PCDHGB1: variants seen among roughly 807,000 people sequenced by gnomAD.
PCDHGB1 encodes the protein protocadherin gamma subfamily B, 1, also known as protocadherin gamma-B1.
In PCDHGB1, 34 loss-of-function variants were observed where a neutral mutation model predicts 56.6. That is an observed-to-expected ratio of 0.60 (90% CI 0.46 to 0.80). The LOEUF (loss-of-function observed/expected upper bound fraction) is 0.80. Ranked by LOEUF, PCDHGB1 falls within the 30% of genes least tolerant of loss-of-function variation. PCDHGB1 has a pLI of 0.00. For synonymous variants in PCDHGB1, 561 were observed against 505.9 expected, an observed-to-expected ratio of 1.11 and a Z score of -1.46; for missense variants, 1,278 against 1,204.6, an observed-to-expected ratio of 1.06 and a Z score of -0.90.
chr5:141,351,565 C>T lies in PCDHGB1; in HGVS notation c.1305C>T (p.Thr435=), dbSNP rs777094926. 2.5e-6 allele frequency: 4 copies of T among 1,614,044 alleles called. No individual in the cohort carries two copies. Among genetic ancestry groups the T allele is most frequent in the African/African-American group, 1.3e-5 (1 of 75,050 alleles). ...KPALSSRTSI[T]LHISDINDNA... Reference sequence around the variant, plus strand: ...CCCTTTCCTCCAGGACAAGCATCACCCTGCACATCTCCGACATCAACGACA... The same window carrying T: ...CCCTTTCCTCCAGGACAAGCATCACTCTGCACATCTCCGACATCAACGACA... Residue 435 remains threonine, a synonymous_variant, in exon 1 of 4, where the codon ACC becomes ACT. Transcript: ENST00000523390.
At chr5:141,383,963 C>G (rs967868907) in intron 1 of PCDHGB1, 1 of 1,613,480 alleles carries the variant, frequency 6.2e-7, no homozygotes, top group South Asian at 1.1e-5. Flanking sequence ...TTAAGTAGCT[C>G]AATCCCTGAA....
At chr5:141,480,178 C>T (rs143309515) in intron 1 of PCDHGB1, among the ~76,000 whole-genome samples, 346 of 150,752 alleles carry the variant, frequency 2.3e-3, no homozygotes, top group Non-Finnish European at 2.8e-3. Flanking sequence ...CTGAGGCAGG[C>T]GGATTGCTTG....
Position 141,351,415 on chromosome 5 carries a change from A to T in PCDHGB1, c.1155A>T (p.Glu385Asp). The T allele has an allele frequency of 6.2e-7, 1 of 1,611,534 alleles. No individual in the cohort carries two copies. The highest frequency in any genetic ancestry group is 8.5e-7 in the Non-Finnish European group (1 of 1,178,628). The change falls in exon 1 of 4, where the codon GAA (glutamate) becomes GAT (aspartate). Residue 385 changes from glutamate to aspartate, a missense_variant. By Grantham distance (45) the Glu-to-Asp change is conservative. Coordinates refer to ENST00000523390, the MANE Select transcript of PCDHGB1 (RefSeq NM_018922.3). ...TGGTGACATGCTATACTCAGGAAGA[A>T]GTTCCTTTCAAATTAGAATCCACCT... The part of the protein sequence containing the change: ...NGMVTCYTQE[E>D]VPFKLESTSK...
chr5:141,376,317 G>A, intron 1 of PCDHGB1: 1 of 1,614,202 alleles, frequency 6.2e-7, no homozygotes, highest in East Asian at 2.2e-5. Flanking sequence ...GGCGTGGAAG[G>A]GGTTCGGGCT....
chr5:141,465,048 A>AT (rs905091014), intron 1 of PCDHGB1, among the ~76,000 whole-genome samples: 18 of 151,226 alleles, frequency 1.2e-4, no homozygotes, highest in African/African-American at 4.4e-4. Context: ...GACCCTATAT[A>AT]TTTTTTTGAA....
intron 1 of PCDHGB1, chr5:141,390,341 A>G (rs766269615): frequency 6.3e-7 from 1 of 1,587,420 alleles, no homozygotes; most frequent in Non-Finnish European, 8.6e-7. Flanking sequence ...CATATTCACA[A>G]GAAAATATAC....
chr5:141,494,048 G>C (rs764072099), intron 1 of PCDHGB1, among the ~76,000 whole-genome samples: 3 of 152,148 alleles, frequency 2.0e-5, no homozygotes, highest in Non-Finnish European at 2.9e-5. Flanking sequence ...GGCCCTGCTT[G>C]GAGGCTGTGG....
chr5:141,477,482 C>T lies in PCDHGB1; in HGVS notation c.2410-17325C>T, dbSNP rs1168724444. The T allele has an allele frequency of 6.2e-7, 1 of 1,614,118 alleles. No individual in the cohort carries two copies. Among genetic ancestry groups the T allele is most frequent in the Non-Finnish European group, 8.5e-7 (1 of 1,180,016 alleles). ...GTCCGACATCAATGACAACCCTCCA[C>T]AATCTTCTCAATCTTCCTACGACGT... is the stretch of plus-strand genomic sequence containing the variant. On this transcript the variant is annotated intron_variant, in intron 1 of 3. Coordinates refer to ENST00000523390, the MANE Select transcript of PCDHGB1 (RefSeq NM_018922.3). This position sits in a 1 kb window ranked among gnomAD's most constrained non-coding sequence, Gnocchi z 4.9.
At chr5:141,384,783 G>A in intron 1 of PCDHGB1, 4 of 1,613,678 alleles carry the variant, frequency 2.5e-6, no homozygotes, top group South Asian at 1.1e-5. Flanking sequence ...AGGTGCGCAC[G>A]GCTCGGGCCC....
At chr5:141,375,602 A>G (rs1237264318) in intron 1 of PCDHGB1, 5 of 1,614,120 alleles carry the variant, frequency 3.1e-6, no homozygotes, top group African/African-American at 1.3e-5. Flanking sequence ...CTACGTGTCC[A>G]TCAACTCCGA....
chr5:141,435,396 G>A (rs562717014), intron 1 of PCDHGB1, among the ~76,000 whole-genome samples: 46 of 152,096 alleles, frequency 3.0e-4, no homozygotes, highest in African/African-American at 9.4e-4. Context: ...TTGCCATGAC[G>A]AAAAATGGTA....
At position 141,418,815 on chromosome 5, in the gene PCDHGB1, T is replaced by C. The variant is rs368396202; in HGVS notation, c.2409+66146T>C. The stretch of plus-strand genomic sequence containing the variant: ...GAAGTAGAAAGATATACGATAAACA[T>C]AGAAGCAAAAGACCGAGGATCTCTC... On this transcript the variant is annotated intron_variant, in intron 1 of 3. Transcript: ENST00000523390. 509 of 1,613,744 alleles carry C rather than the reference T, an allele frequency of 3.2e-4. No homozygotes were observed. The highest frequency in any genetic ancestry group is 4.1e-4 in the Non-Finnish European group (488 of 1,179,804).
At chr5:141,415,801 A>G (rs560476453) in intron 1 of PCDHGB1, 12 of 1,373,384 alleles carry the variant, frequency 8.7e-6, no homozygotes, top group East Asian at 5.3e-5. Flanking sequence ...CCTAGTCTCA[A>G]TCAAGGCCTA....
intron 2 of PCDHGB1, among the ~76,000 whole-genome samples, chr5:141,496,744 T>C (rs1383447795): frequency 6.6e-6 from 1 of 152,170 alleles, no homozygotes; most frequent in Non-Finnish European, 1.5e-5. Context: ...GTTCATTTAT[T>C]CAACAAATAT....
At chr5:141,506,252 C>T (rs1158047426) in intron 3 of PCDHGB1, among the ~76,000 whole-genome samples, 1 of 151,968 alleles carries the variant, frequency 6.6e-6, no homozygotes, top group African/African-American at 2.4e-5. Flanking sequence ...AGTTCGAAAC[C>T]GGCCTGGCCA....
intron 1 of PCDHGB1, chr5:141,362,085 A>G: frequency 3.1e-6 from 5 of 1,613,154 alleles, no homozygotes; most frequent in Non-Finnish European, 4.2e-6. Flanking sequence ...GTGATGGAGG[A>G]CAGCCGCCAC....
In PCDHGB1 at chr5:141,511,281, G is replaced by A; in HGVS notation, c.*108G>A. The A allele has an allele frequency of 2.0e-6, 3 of 1,531,280 alleles. No homozygotes were observed. Among genetic ancestry groups the A allele is most frequent in the Non-Finnish European group, 2.6e-6 (3 of 1,137,132 alleles). 94.9% of individuals were successfully genotyped at this position (1,531,280 alleles called of 1,614,324 possible). ...TTCAGGGCTAACCCCCAGAATACTG[G>A]TAGGGGCCAAGGCCATGCTCCCCTT... On this transcript the variant is annotated 3_prime_UTR_variant, in exon 4 of 4. Transcript: ENST00000523390.
chr5:141,415,603 T>C, intron 1 of PCDHGB1: 6 of 1,613,954 alleles, frequency 3.7e-6, no homozygotes, highest in Non-Finnish European at 5.1e-6. Flanking sequence ...GGATACCCCA[T>C]TGGTTCCAGT....
At chr5:141,394,635 C>T (rs754317215) in intron 1 of PCDHGB1, 1 of 1,613,428 alleles carries the variant, frequency 6.2e-7, no homozygotes, top group Non-Finnish European at 8.5e-7. Context: ...GTCCTACCGC[C>T]TGCTCAAGGC....
Sources: gnomAD v4.1 joint callset for allele counts (sites outside exome capture counted in the v4.1 genomes callset) on GRCh38, gnomAD v4.1.1 for gene constraint, Gnocchi (gnomAD v3.1) non-coding constraint, MANE v1.5 for transcripts, NCBI Gene and HGNC (gene_info 2026-07-23, HGNC 2026-07-21) for gene names.